Variants in RYR1 observed in about 807,000 individuals in gnomAD.
RYR1 encodes the protein ryanodine receptor 1.
RYR1 carries 342 observed loss-of-function variants against 583.5 expected under a neutral mutation model. The observed-to-expected ratio is 0.59, with a 90% CI of 0.54 to 0.64. The LOEUF is 0.64. Among genes scored for constraint, RYR1 ranks in the 30% least tolerant of loss-of-function variants. The pLI is 0.00. For synonymous variants in RYR1, 2,791 were observed against 2,822.5 expected (o/e 0.99, Z 0.35); for missense variants, 6,032 against 6,917.2 (o/e 0.87, Z 4.54).
Position 38,494,395 on chromosome 19 carries a change from C to G in RYR1, c.6318C>G (p.Ala2106=). 1 of 1,611,864 alleles carries G rather than the reference C, an allele frequency of 6.2e-7. No homozygotes were observed. The highest frequency in any genetic ancestry group is 8.5e-7 in the Non-Finnish European group (1 of 1,180,010). The change falls in exon 39 of 106, where the codon GCC becomes GCG. Residue 2106 remains alanine (A), a synonymous_variant. Coordinates refer to ENST00000359596, the MANE Select transcript of RYR1 (RefSeq NM_000540.3). The part of the protein sequence containing the change: ...ELVSHMVVRW[A]QEDFVQSPEL... Reference sequence around the variant, plus strand: ...TGTCCCACATGGTGGTGCGCTGGGCCCAAGAGGACTTCGTGCAGAGCCCCG... The same window carrying G: ...TGTCCCACATGGTGGTGCGCTGGGCGCAAGAGGACTTCGTGCAGAGCCCCG...
chr19:38,466,151 GC>G lies in RYR1; in HGVS notation c.2933del (p.Pro978ArgfsTer131). On this transcript the variant is annotated frameshift_variant, in exon 24 of 106. Transcript: ENST00000359596. LOFTEE classifies it high-confidence loss of function. ...TGGACCTGAGCCACGTGCGGCTGAC[GC>G]CGGCGCAGACGACACTGGTGGACCG... ...PLDLSHVRLT[P>X]AQTTLVDRLA... is the part of the protein sequence containing the mutation. 1 of 1,613,292 alleles carries G rather than the reference GC, an allele frequency of 6.2e-7. No homozygotes were observed. Among genetic ancestry groups the G allele is most frequent in the East Asian group, 2.2e-5 (1 of 44,860 alleles).
chr19:38,533,146 G>A lies in RYR1; in HGVS notation c.11259+410G>A, dbSNP rs897046359. Among the ~76,000 whole-genome samples, 4 of 152,246 alleles carry A rather than the reference G, an allele frequency of 2.6e-5. No individual in the cohort carries two copies. The South Asian group carries it at 8.3e-4, about 32-fold the overall frequency. ...TATCAGGGAGGGCTTCTCGGAGGAGGGGACTTCTGAGCAGAAGGATAAAAG... is the reference window on the plus strand; with the variant it reads ...TATCAGGGAGGGCTTCTCGGAGGAGAGGACTTCTGAGCAGAAGGATAAAAG... On this transcript the variant is annotated intron_variant, in intron 78 of 105. Transcript: ENST00000359596.
In RYR1 at chr19:38,480,600, G is replaced by GA. The variant is rs141105911; in HGVS notation, c.4620+2009dup. ...ACCACAATACCACTATCACCTAAAA[G>GA]AAAAAAAAACAATAGTTTCTAAATA... On this transcript the variant is annotated intron_variant, in intron 31 of 105. Coordinates refer to ENST00000359596, the MANE Select transcript of RYR1 (RefSeq NM_000540.3). Among the ~76,000 whole-genome samples, 1,468 of 149,636 alleles carry GA rather than the reference G, an allele frequency of 9.8e-3. 24 individuals are homozygous for GA. Among genetic ancestry groups the GA allele is most frequent in the African/African-American group, 0.034 (1,372 of 40,950 alleles).
chr19:38,445,222 CAAAAAAA>C (rs61419525), intron 7 of RYR1, among the ~76,000 whole-genome samples: 6 of 48,186 alleles, frequency 1.2e-4, no homozygotes, highest in Admixed American at 7.7e-4. Flanking sequence ...GACTCTGCCT[CAAAAAAA>C]AAAAAAAAAA....
rs149623859 is a variant in RYR1, at chr19:38,580,586, G to A, written c.14646+82G>A. On this transcript the variant is annotated intron_variant, in intron 101 of 105. Transcript: ENST00000359596. ...TAATAATGGTACCTCCAGGCCGGGC[G>A]TGGTGCCTCCAGCCTGCAATCCCAG... 6.0e-4 allele frequency: 933 copies of A among 1,563,834 alleles called. 13 individuals are homozygous for A. The East Asian group carries it at 0.014, about 24-fold the overall frequency.
rs376701953 is a variant in RYR1 at position 38,485,913 on chromosome 19, C to T, written c.5258C>T (p.Thr1753Ile). 4 of 1,613,662 alleles carry T rather than the reference C, an allele frequency of 2.5e-6. No individual in the cohort carries two copies. Among genetic ancestry groups the T allele is most frequent in the Non-Finnish European group, 3.4e-6 (4 of 1,180,002 alleles). Residue 1753 changes from threonine (T) to isoleucine (I), a missense_variant, in exon 34 of 106, where the codon ACA becomes ATA. This residue lies in a region of RYR1 where 2,627 missense variants were observed against 2,961.3 expected (regional missense o/e 0.89). Transcript: ENST00000359596. ...AITLFPPGRS[T>I]ENGHPRHGLP... The stretch of plus-strand genomic sequence containing the variant: ...ACGCTCTTCCCTCCTGGAAGGAGCA[C>T]AGAAAATGGTCACCCCCGGCATGGC...
At position 38,469,293 on chromosome 19, in the gene RYR1, C is replaced by A; in HGVS notation, c.3557-12C>A. ...CTGCCCTCACCCCTGCCCATCCATC[C>A]CCTCCCACCAGGCTTCCTGCCCGTC... On this transcript the variant is annotated splice_polypyrimidine_tract_variant and intron_variant, in intron 26 of 105. Transcript: ENST00000359596. 1 of 1,613,658 alleles carries A rather than the reference C, an allele frequency of 6.2e-7. No homozygotes were observed.
rs1218605372 is a variant in RYR1 at position 38,499,222 on chromosome 19, C to T, written c.7006C>T (p.Arg2336Cys). ...CGGERYLDFLRFAVFVNGESV... is the reference protein window; with the variant it reads ...CGGERYLDFLCFAVFVNGESV... ...TGGAGAGCGCTACCTGGACTTCCTG[C>T]GCTTTGCTGTCTTCGTCAACGGTGA... Residue 2336 changes from arginine to cysteine, a missense_variant, in exon 43 of 106, where the codon CGC (arginine) becomes TGC (cysteine). Arg to Cys is a radical substitution (Grantham distance 180). Coordinates refer to ENST00000359596, the MANE Select transcript of RYR1 (RefSeq NM_000540.3). This position sits in a 1 kb window ranked among gnomAD's most constrained non-coding sequence, Gnocchi z 7.3. 1.2e-6 allele frequency: 2 copies of T among 1,614,190 alleles called. No homozygotes were observed. Among genetic ancestry groups the T allele is most frequent in the East Asian group, 2.2e-5 (1 of 44,880 alleles).
chr19:38,565,747 T>G lies in RYR1; in HGVS notation c.13413T>G (p.Ser4471=). ...TPAEPPTPEG[S]PILKRKLGVD... ...CGGAACCGCCCACACCCGAGGGCTC[T>G]CCCATCCTCAAGAGGAAATTGGGGG... Residue 4471 remains serine (S), a synonymous_variant, in exon 91 of 106, where the codon TCT becomes TCG. Transcript: ENST00000359596. This position sits in a 1 kb window ranked among gnomAD's most constrained non-coding sequence, Gnocchi z 4.7. The G allele has an allele frequency of 1.4e-6, 2 of 1,420,212 alleles. No individual in the cohort carries two copies. Among genetic ancestry groups the G allele is most frequent in the Admixed American group, 3.1e-5 (1 of 32,772 alleles). The allele number at this position is 1,420,212 out of a possible 1,614,324, so 88.0% of individuals were successfully genotyped here. A position where few individuals can be genotyped will look rare whatever the true frequency, so the allele number is the denominator to read the frequency against.
rs900463070 is a variant in RYR1, at chr19:38,494,291, A to G, written c.6275-61A>G. 3.1e-6 allele frequency: 5 copies of G among 1,604,324 alleles called. No homozygotes were observed. In the African/African-American group the frequency reaches 5.4e-5, roughly 17 times the overall value. On this transcript the variant is annotated intron_variant, in intron 38 of 105. Transcript: ENST00000359596. ...GCCCCTTCCACATTGTTCTGGTCCA[A>G]GGCCCCATGTGCCGACCTGCCCTGC... is the stretch of plus-strand genomic sequence containing the variant.
At position 38,475,479 on chromosome 19, in the gene RYR1, G is replaced by A. The variant is rs758584530; in HGVS notation, c.4293+29G>A. On this transcript the variant is annotated intron_variant, in intron 29 of 105. Coordinates refer to ENST00000359596, the MANE Select transcript of RYR1 (RefSeq NM_000540.3). ...TGGACCAGTAACCCTCAATTTTGGG[G>A]TCCCCCCGCATAGCATAGGCACTCC... 2.5e-6 allele frequency: 4 copies of A among 1,612,200 alleles called. No homozygotes were observed. In the African/African-American group the frequency reaches 4.0e-5, roughly 16 times the overall value.
Position 38,515,181 on chromosome 19 carries a change from G to C in RYR1, c.9554+74G>C. On this transcript the variant is annotated intron_variant, in intron 64 of 105. Transcript: ENST00000359596. Reference sequence around the variant, plus strand: ...GGGAGGGAGCAGGGGAAGAAGATGGGGTGGGTGAAAAGCAGGGTAGATGTT... The same window carrying C: ...GGGAGGGAGCAGGGGAAGAAGATGGCGTGGGTGAAAAGCAGGGTAGATGTT... 1.5e-5 allele frequency: 16 copies of C among 1,094,584 alleles called. No individual in the cohort carries two copies. In the South Asian group the frequency reaches 2.0e-4, roughly 14 times the overall value. 67.8% of individuals were successfully genotyped at this position (1,094,584 alleles called of 1,614,324 possible).
At chr19:38,514,946 C>G in intron 63 of RYR1, 80 bp from the exon 64 acceptor site, 5 of 919,224 alleles carry the variant, frequency 5.4e-6, no homozygotes, top group Non-Finnish European at 8.8e-6. Context: ...CTGCATGGGC[C>G]TATTTGAGAC....
At chr19:38,574,902 T>C (rs2039289672) in intron 96 of RYR1, among the ~76,000 whole-genome samples, 1 of 151,330 alleles carries the variant, frequency 6.6e-6, no homozygotes, top group African/African-American at 2.4e-5. Context: ...TAGCTGGGCG[T>C]GGCAGTGGGT....
chr19:38,455,913 A>G (rs1476079517), intron 16 of RYR1, among the ~76,000 whole-genome samples, 162 bp downstream of exon 16: 3 of 149,650 alleles, frequency 2.0e-5, no homozygotes, highest in Non-Finnish European at 4.4e-5. Context: ...GTCTCAAACA[A>G]TGACTCTTAA....
intron 13 of RYR1, 121 bp downstream of exon 13, chr19:38,453,135 A>T: frequency 1.2e-6 from 1 of 815,770 alleles, no homozygotes; most frequent in Non-Finnish European, 1.7e-6. Context: ...GGGTCTGAGA[A>T]GGGGGCGGGG....
chr19:38,494,369 G>A lies in RYR1; in HGVS notation c.6292G>A (p.Val2098Met). The change falls in exon 39 of 106, where the codon GTG becomes ATG. Residue 2098 changes from valine (V) to methionine (M), a missense_variant. Physicochemically the swap from Val to Met is conservative, Grantham distance 21. This residue lies in a region of RYR1 where 2,627 missense variants were observed against 2,961.3 expected (regional missense o/e 0.89). Transcript: ENST00000359596. Reference sequence around the variant, plus strand: ...CTTCCCAGGGTCCCTGCAGGAGCTGGTGTCCCACATGGTGGTGCGCTGGGC... The same window carrying A: ...CTTCCCAGGGTCCCTGCAGGAGCTGATGTCCCACATGGTGGTGCGCTGGGC... ...ESKPRSLQELVSHMVVRWAQE... is the reference protein window; with the variant it reads ...ESKPRSLQELMSHMVVRWAQE... 5 of 1,611,534 alleles carry A rather than the reference G, an allele frequency of 3.1e-6. No individual in the cohort carries two copies. The highest frequency in any genetic ancestry group is 3.4e-6 in the Non-Finnish European group (4 of 1,179,948).
At chr19:38,504,506 G>A (rs745800314) in intron 50 of RYR1, 146 bp downstream of exon 50, 98 of 1,195,018 alleles carry the variant, frequency 8.2e-5, no homozygotes, top group Non-Finnish European at 1.1e-4. Context: ...TATGGGTTGA[G>A]GCTTCGATTT....
chr19:38,560,597 C>T (rs1233952074), intron 89 of RYR1, among the ~76,000 whole-genome samples: 1 of 150,248 alleles, frequency 6.7e-6, no homozygotes, highest in Non-Finnish European at 1.5e-5. Flanking sequence ...GGTGTGGTGG[C>T]GGGCACCTGT....
Sources: allele counts gnomAD v4.1 joint callset (sites outside exome capture counted in the v4.1 genomes callset), GRCh38; gene constraint gnomAD v4.1.1; regional missense constraint gnomAD v4.1.1; non-coding constraint Gnocchi (gnomAD v3.1); transcripts MANE v1.5; gene names NCBI Gene and HGNC (gene_info 2026-07-23, HGNC 2026-07-21).